Variants in AAGAB observed in about 807,000 individuals in gnomAD.
The protein encoded by AAGAB is alpha- and gamma-adaptin-binding protein p34.
Under a neutral mutation model 44.1 loss-of-function variants are expected in AAGAB, and 38 were observed. That is an observed-to-expected ratio of 0.86 (90% CI 0.67 to 1.13). AAGAB has a LOEUF of 1.13. Ranked by LOEUF, AAGAB falls within the 50% of genes most tolerant of loss-of-function variation. The pLI is 0.00. For missense variants in AAGAB, 450 were observed against 373.8 expected (o/e 1.20, Z -1.68); for synonymous variants, 131 against 131.8 (o/e 0.99, Z 0.04).
chr15:67,251,130 T>C (rs577447101), intron 1 of AAGAB, among the ~76,000 whole-genome samples: 3 of 152,070 alleles, frequency 2.0e-5, no homozygotes, highest in Non-Finnish European at 2.9e-5. Flanking sequence ...ATAAGGCCTT[T>C]GAGTGACAAA....
intron 1 of AAGAB, among the ~76,000 whole-genome samples, chr15:67,244,256 C>T (rs1291293858): frequency 1.3e-5 from 2 of 152,106 alleles, no homozygotes; most frequent in Non-Finnish European, 2.9e-5. Context: ...ACAGATCCAA[C>T]GTCCCAGCAT....
intron 5 of AAGAB, among the ~76,000 whole-genome samples, chr15:67,210,111 A>G (rs1429094914): frequency 6.6e-6 from 1 of 152,262 alleles, no homozygotes; most frequent in Non-Finnish European, 1.5e-5. Context: ...CATAGCCACT[A>G]TGAACTAATA....
At chr15:67,253,482 A>AGT (rs1212568399) in intron 1 of AAGAB, among the ~76,000 whole-genome samples, 13 of 152,046 alleles carry the variant, frequency 8.6e-5, no homozygotes, top group African/African-American at 3.1e-4. Context: ...AGCCAGGCAC[A>AGT]GTGGCTCACG....
intron 7 of AAGAB, among the ~76,000 whole-genome samples, chr15:67,206,800 GGTCATCCTGTA>G (rs1963694571): frequency 6.6e-6 from 1 of 152,160 alleles, no homozygotes; most frequent in Admixed American, 6.5e-5. Context: ...GATGCTCCAG[GGTCATCCTGTA>G]TTTTTCTTGC....
At chr15:67,253,918 T>C (rs1964979995) in intron 1 of AAGAB, among the ~76,000 whole-genome samples, 1 of 152,184 alleles carries the variant, frequency 6.6e-6, no homozygotes, top group South Asian at 2.1e-4. Context: ...AGAGTTGGCT[T>C]ATTATCCAGT....
rs1242011216 is a variant in AAGAB at position 67,235,755 on chromosome 15, G to GA, written c.451+223dup. Reference sequence around the variant, plus strand: ...AGCAGCCCTATACCTTTATCCATAAGAAAAACACACATTTTCAAAAGTTCT... The same window carrying GA: ...AGCAGCCCTATACCTTTATCCATAAGAAAAAACACACATTTTCAAAAGTTCT... On this transcript the variant is annotated intron_variant, in intron 4 of 9. Transcript: ENST00000261880. Among the ~76,000 whole-genome samples, 5 of 152,140 alleles carry GA rather than the reference G, an allele frequency of 3.3e-5. No homozygotes were observed. The East Asian group carries it at 9.6e-4, about 29-fold the overall frequency.
rs1346699307 is a variant in AAGAB at position 67,231,847 on chromosome 15, C to T, written c.502G>A (p.Ala168Thr). The T allele has an allele frequency of 3.1e-6, 5 of 1,612,568 alleles. No individual in the cohort carries two copies. The African/African-American group carries it at 4.0e-5, about 13-fold the overall frequency. ...GVKRIVQALN[A>T]NVWSNVVMKN... ...ATCACTACATTGGACCACACATTGG[C>T]ATTCAGGGCTTGGACAATTCGCTTT... The change falls in exon 5 of 10, where the codon GCC (alanine) becomes ACC (threonine). Residue 168 changes from alanine to threonine, a missense_variant. Coordinates refer to ENST00000261880, the MANE Select transcript of AAGAB (RefSeq NM_024666.5).
intron 7 of AAGAB, among the ~76,000 whole-genome samples, chr15:67,207,850 TA>T (rs1161664265): frequency 2.4e-5 from 2 of 82,144 alleles, no homozygotes; most frequent in African/African-American, 6.7e-5. Flanking sequence ...AAATTATACA[TA>T]ATTTTTTCTT....
chr15:67,249,542 A>C (rs1054288445), intron 1 of AAGAB, among the ~76,000 whole-genome samples: 6 of 152,194 alleles, frequency 3.9e-5, no homozygotes, highest in African/African-American at 1.4e-4. Flanking sequence ...TTTAATACAC[A>C]TATTAAATAA....
intron 9 of AAGAB, 74 bp from the exon 10 acceptor site, chr15:67,202,972 C>T: frequency 7.2e-7 from 1 of 1,396,582 alleles, no homozygotes; most frequent in Non-Finnish European, 1.0e-6. Flanking sequence ...ATACCTTAAA[C>T]TGACTGAGAC....
chr15:67,254,566 C>A lies in AAGAB; in HGVS notation c.66G>T (p.Leu22=). 1.2e-6 allele frequency: 2 copies of A among 1,608,870 alleles called. No individual in the cohort carries two copies. The highest frequency in any genetic ancestry group is 2.2e-5 in the South Asian group (2 of 90,244). Reference sequence around the variant, plus strand: ...AGGCGCCTATCTACTCACGTTGGACCAGCTGGTCTCCTGAGAAGACGGAGG... The same window carrying A: ...AGGCGCCTATCTACTCACGTTGGACAAGCTGGTCTCCTGAGAAGACGGAGG... ...SCSSVFSGDQ[L]VQHILGTEDL... The change falls in exon 1 of 10, where the codon CTG becomes CTT. Residue 22 remains leucine (L), a synonymous_variant. Transcript: ENST00000261880.
rs769444076 is a variant in AAGAB at position 67,208,576 on chromosome 15, A to T, written c.701T>A (p.Val234Asp). ...GAGGAACTTACCCACAATGCTATCA[A>T]CCTGGGCATCTGTTGTGTTAGATGC... is the stretch of plus-strand genomic sequence containing the variant. ...GGASNTTDAQ[V>D]DSIVDPMLDL... Residue 234 changes from valine to aspartate, a missense_variant, in exon 7 of 10, where the codon GTT (valine) becomes GAT (aspartate). Coordinates refer to ENST00000261880, the MANE Select transcript of AAGAB (RefSeq NM_024666.5). The T allele has an allele frequency of 6.2e-7, 1 of 1,613,966 alleles. No homozygotes were observed. The highest frequency in any genetic ancestry group is 1.3e-5 in the African/African-American group (1 of 74,912).
intron 5 of AAGAB, among the ~76,000 whole-genome samples, chr15:67,224,003 T>C (rs9806590): frequency 0.21 from 31,790 of 152,198 alleles, 4,056 homozygotes; most frequent in East Asian, 0.47. Flanking sequence ...TTATTTAACA[T>C]TGCAATCTAC....
rs750152610 is a variant in AAGAB at position 67,254,643 on chromosome 15, C to A, written c.-12G>T. On this transcript the variant is annotated 5_prime_UTR_variant, in exon 1 of 10. Transcript: ENST00000261880. ...ACGCCAGCAGCCATAGCTGCGCTCGCGAGCCGGTTCCGTCAGGCAGCCGCT... is the reference window on the plus strand; with the variant it reads ...ACGCCAGCAGCCATAGCTGCGCTCGAGAGCCGGTTCCGTCAGGCAGCCGCT... 6.3e-7 allele frequency: 1 copy of A among 1,574,986 alleles called. No individual in the cohort carries two copies. The highest frequency in any genetic ancestry group is 8.6e-7 in the Non-Finnish European group (1 of 1,165,510).
At chr15:67,251,701 C>T (rs369886587) in intron 1 of AAGAB, among the ~76,000 whole-genome samples, 32 of 152,352 alleles carry the variant, frequency 2.1e-4, no homozygotes, top group East Asian at 1.2e-3. Flanking sequence ...TAGAACCAAA[C>T]TTTCCCAAAA....
At chr15:67,214,736 G>A (rs1963902321) in intron 5 of AAGAB, among the ~76,000 whole-genome samples, 1 of 152,046 alleles carries the variant, frequency 6.6e-6, no homozygotes, top group African/African-American at 2.4e-5. Context: ...CGCCTCCCGG[G>A]TTCAGGCCGT....
At position 67,226,887 on chromosome 15, in the gene AAGAB, AC is replaced by A. The variant is rs753242565; in HGVS notation, c.535+4926del. ...CAGGAAGGAATGCAATTCATCTCTTACGTTTTTAATTACCTAGATTTTCAGA... is the reference window on the plus strand; with the variant it reads ...CAGGAAGGAATGCAATTCATCTCTTAGTTTTTAATTACCTAGATTTTCAGA... On this transcript the variant is annotated intron_variant, in intron 5 of 9. Coordinates refer to ENST00000261880, the MANE Select transcript of AAGAB (RefSeq NM_024666.5). 3.4e-4 allele frequency: 98 copies of A among 290,478 alleles called. 2 individuals carry two copies. The highest frequency in any genetic ancestry group is 3.2e-3 in the Middle Eastern group (8 of 2,466). 18.0% of individuals were successfully genotyped at this position (290,478 alleles called of 1,614,324 possible). A position where few individuals can be genotyped will look rare whatever the true frequency, so the allele number is the denominator to read the frequency against.
rs200564757 is a variant in AAGAB, at chr15:67,236,060, G to A, written c.370C>T (p.Arg124Ter). The change falls in exon 4 of 10, where the codon CGA (arginine) becomes TGA (stop). Residue 124 changes from arginine to a stop codon, truncating the protein, a stop_gained. Coordinates refer to ENST00000261880, the MANE Select transcript of AAGAB (RefSeq NM_024666.5). LOFTEE classifies it high-confidence loss of function. ...ATGCACCATTCTTGAGCTTTTTGTC[G>A]GTTTATACCTAAAATAATATGCAAA... The part of the protein sequence containing the change: ...CDRVSEDGIN[R>*]QKAQEWCIKH... 7.8e-5 allele frequency: 125 copies of A among 1,608,506 alleles called. No homozygotes were observed. The highest frequency in any genetic ancestry group is 9.9e-5 in the Non-Finnish European group (116 of 1,176,436).
Position 67,203,555 on chromosome 15 carries a change from G to C in AAGAB, c.863C>G (p.Ala288Gly), listed in dbSNP as rs1397121088. ...TLPHEQRKVH[A>G]EKVAKAFWMA... ...CCTGGCTGATTGTCTCACCTTTTCT[G>C]CATGCACTTTTCTTTGCTCATGAGG... The change falls in exon 9 of 10, where the codon GCA becomes GGA. Residue 288 changes from alanine (A) to glycine (G), a missense_variant. Ala to Gly is a moderately conservative substitution (Grantham distance 60). Transcript: ENST00000261880. The C allele has an allele frequency of 6.2e-7, 1 of 1,613,466 alleles. No homozygotes were observed. Among genetic ancestry groups the C allele is most frequent in the South Asian group, 1.1e-5 (1 of 91,016 alleles).
Sources: allele counts gnomAD v4.1 joint callset (sites outside exome capture counted in the v4.1 genomes callset), GRCh38; gene constraint gnomAD v4.1.1; transcripts MANE v1.5; gene names NCBI Gene and HGNC (gene_info 2026-07-23, HGNC 2026-07-21).